UNC13A: variants seen among roughly 807,000 people sequenced by gnomAD.
UNC13A encodes the protein protein unc-13 homolog A.
UNC13A carries 61 observed loss-of-function variants against 219.7 expected under a neutral mutation model. The observed-to-expected ratio is 0.28, with a 90% confidence interval of 0.23 to 0.34. The LOEUF (loss-of-function observed/expected upper bound fraction) is 0.34, where lower values mean the gene tolerates loss of function less well. UNC13A is among the 10% of genes least tolerant of loss of function. UNC13A has a pLI of 1.00. For missense variants in UNC13A, 1,476 were observed against 2,270.3 expected (o/e 0.65, Z 7.11); for synonymous variants, 920 against 884.6 (o/e 1.04, Z -0.71).
In UNC13A at chr19:17,606,015, C is replaced by T; in HGVS notation, c.*39G>A. ...GCCCCGTCCCTCCCCGCCCAGCGCC[C>T]TCCGCGCAGGCGCAGTGCCGCTCGG... On this transcript the variant is annotated 3_prime_UTR_variant, in exon 44 of 44. Transcript: ENST00000519716. 1 of 1,401,776 alleles carries T rather than the reference C, an allele frequency of 7.1e-7. No individual in the cohort carries two copies. Among genetic ancestry groups the T allele is most frequent in the Non-Finnish European group, 9.2e-7 (1 of 1,082,398 alleles). The allele number at this position is 1,401,776 out of a possible 1,614,324, so 86.8% of individuals were successfully genotyped here. A position where few individuals can be genotyped will look rare whatever the true frequency, so the allele number is the denominator to read the frequency against.
chr19:17,667,310 G>A (rs116612420), intron 6 of UNC13A, among the ~76,000 whole-genome samples: 1,831 of 151,830 alleles, frequency 0.012, 41 homozygotes, highest in African/African-American at 0.043. Flanking sequence ...AAGGGAGGAA[G>A]GAGGGAGCAG....
intron 37 of UNC13A, among the ~76,000 whole-genome samples, chr19:17,621,285 G>A (rs1011928915): frequency 1.3e-5 from 2 of 152,044 alleles, no homozygotes; most frequent in Non-Finnish European, 2.9e-5. Context: ...AATGTGCCCC[G>A]CAAAGGGCTG....
chr19:17,684,884 G>C (rs896194890), intron 1 of UNC13A, among the ~76,000 whole-genome samples: 1 of 152,186 alleles, frequency 6.6e-6, no homozygotes, highest in Non-Finnish European at 1.5e-5. Flanking sequence ...TGAGCTTGTG[G>C]GTGATATGTT....
chr19:17,652,115 CATTTATTT>C (rs58443609), intron 12 of UNC13A, among the ~76,000 whole-genome samples: 7 of 151,158 alleles, frequency 4.6e-5, no homozygotes, highest in Admixed American at 3.3e-4. Flanking sequence ...CTTTATCTTA[CATTTATTT>C]ATTTATTTAT....
intron 36 of UNC13A, chr19:17,622,961 A>G (rs888254331): frequency 3.3e-5 from 5 of 152,378 alleles, no homozygotes; most frequent in African/African-American, 1.2e-4. Flanking sequence ...AAGCCATGAC[A>G]AAAGTCTCCC....
chr19:17,611,896 C>G (rs759930602), intron 41 of UNC13A, 41 bp from the exon 42 acceptor site: 24 of 1,578,896 alleles, frequency 1.5e-5, no homozygotes, highest in Non-Finnish European at 2.1e-5. Flanking sequence ...GAGCTCTGTT[C>G]TTTCCCACCC....
chr19:17,672,815 T>C (rs2079815773), intron 3 of UNC13A, among the ~76,000 whole-genome samples: 1 of 152,168 alleles, frequency 6.6e-6, no homozygotes, highest in African/African-American at 2.4e-5. Flanking sequence ...CTGACCATGC[T>C]GGGTAAGTGA....
chr19:17,617,677 G>T (rs774098939), intron 41 of UNC13A, 25 bp downstream of exon 41: 1 of 1,609,072 alleles, frequency 6.2e-7, no homozygotes, highest in Non-Finnish European at 8.5e-7. Flanking sequence ...AGCGGGAAAG[G>T]GTGATGCGGT....
intron 5 of UNC13A, among the ~76,000 whole-genome samples, chr19:17,669,139 C>T (rs866503848): frequency 1.3e-5 from 2 of 152,154 alleles, no homozygotes; most frequent in Non-Finnish European, 2.9e-5. Context: ...ACTCAAGGTG[C>T]TTCCAGGAAA....
At chr19:17,685,738 C>T (rs548754011) in intron 1 of UNC13A, among the ~76,000 whole-genome samples, 14 of 152,298 alleles carry the variant, frequency 9.2e-5, no homozygotes, top group African/African-American at 2.9e-4. Flanking sequence ...AGCCTTCATA[C>T]ATCCTAAGCA....
chr19:17,613,627 C>T (rs1301084855), intron 41 of UNC13A: 1 of 152,140 alleles, frequency 6.6e-6, no homozygotes, highest in Non-Finnish European at 1.5e-5. Flanking sequence ...CTCATCCCTC[C>T]TGATGTGACA....
At position 17,606,095 on chromosome 19, in the gene UNC13A, T is replaced by C. The variant is rs1352331907; in HGVS notation, c.5071A>G (p.Thr1691Ala). 8 of 1,592,224 alleles carry C rather than the reference T, an allele frequency of 5.0e-6. No individual in the cohort carries two copies. The highest frequency in any genetic ancestry group is 4.2e-5 in the African/African-American group (3 of 72,004). ...AKEFVKLKSD[T>A]RSAEEGGAAP... The stretch of plus-strand genomic sequence containing the variant: ...GCACCGCCCTCCTCGGCGGAGCGCG[T>C]GTCCGACTTGAGCTTCACGAACTCC... The change falls in exon 44 of 44, where the codon ACG (threonine) becomes GCG (alanine). Residue 1691 changes from threonine (T) to alanine (A), a missense_variant. By Grantham distance (58) the Thr-to-Ala change is moderately conservative. Around this residue, in one of 14 missense-constraint regions of UNC13A, gnomAD observed 187 missense variants for 172.3 expected, o/e 1.09. Coordinates refer to ENST00000519716, the MANE Select transcript of UNC13A (RefSeq NM_001080421.3).
At chr19:17,666,156 CTCCTT>C (rs2079641196) in intron 7 of UNC13A, among the ~76,000 whole-genome samples, 3 of 112,224 alleles carry the variant, frequency 2.7e-5, no homozygotes, top group African/African-American at 6.8e-5. Context: ...TTCCTCTCCT[CTCCTT>C]CCTTCCTTTC....
intron 17 of UNC13A, 46 bp downstream of exon 17, chr19:17,647,219 A>G: frequency 6.6e-7 from 1 of 1,515,372 alleles, no homozygotes; most frequent in Non-Finnish European, 8.9e-7. Flanking sequence ...GACAGGTCTC[A>G]GAGGGTGGAG....
Position 17,633,211 on chromosome 19 carries a change from G to A in UNC13A, c.3216-18C>T. 2 of 1,613,246 alleles carry A rather than the reference G, an allele frequency of 1.2e-6. No individual in the cohort carries two copies. Among genetic ancestry groups the A allele is most frequent in the Non-Finnish European group, 1.7e-6 (2 of 1,179,266 alleles). On this transcript the variant is annotated intron_variant, in intron 26 of 43. Coordinates refer to ENST00000519716, the MANE Select transcript of UNC13A (RefSeq NM_001080421.3). ...GGGGAAACCTGGCAAAGTCATGGAA[G>A]TATAAAACTTTGGCAGGCAGAAGGC...
intron 17 of UNC13A, 21 bp downstream of exon 17, chr19:17,647,244 T>C: frequency 6.5e-7 from 1 of 1,547,832 alleles, no homozygotes; most frequent in Non-Finnish European, 8.7e-7. Flanking sequence ...AGGGGCCCTA[T>C]GGCGGCCCAC....
At chr19:17,667,102 T>C (rs1316823889) in intron 6 of UNC13A, among the ~76,000 whole-genome samples, 4 of 151,910 alleles carry the variant, frequency 2.6e-5, no homozygotes, top group Non-Finnish European at 5.9e-5. Flanking sequence ...AATACAAAAA[T>C]TAGCCAGGTA....
At chr19:17,668,090 A>G (rs753448802) in intron 6 of UNC13A, 27 bp downstream of exon 6, 39 of 1,609,906 alleles carry the variant, frequency 2.4e-5, no homozygotes, top group Non-Finnish European at 3.0e-5. Context: ...CAAGGAAGAA[A>G]CAGTCCCCTC....
intron 34 of UNC13A, 147 bp from the exon 35 acceptor site, chr19:17,625,099 T>C (rs1391196142): frequency 8.1e-7 from 1 of 1,240,642 alleles, no homozygotes; most frequent in African/African-American, 1.5e-5. Context: ...GATGGGGCTA[T>C]GATATCTGAT....
Sources: gnomAD v4.1 joint callset for allele counts (sites outside exome capture counted in the v4.1 genomes callset) on GRCh38, gnomAD v4.1.1 for gene constraint, gnomAD v4.1.1 regional missense constraint, MANE v1.5 for transcripts, NCBI Gene and HGNC (gene_info 2026-07-23, HGNC 2026-07-21) for gene names.